Variants in GAS2 observed in about 807,000 individuals in gnomAD.
GAS2 encodes the protein growth arrest specific 2.
GAS2 carries 20 observed loss-of-function variants against 37.5 expected under a neutral mutation model. That is an observed-to-expected ratio of 0.53 (90% CI 0.37 to 0.77). GAS2 has a LOEUF of 0.77. GAS2 is among the 30% of genes least tolerant of loss of function. The pLI, the probability that GAS2 is intolerant of heterozygous loss-of-function variation, is 0.00. For synonymous variants in GAS2, 144 were observed against 132.2 expected, an observed-to-expected ratio of 1.09 and a Z score of -0.61; for missense variants, 336 against 373.4, an observed-to-expected ratio of 0.90 and a Z score of 0.82.
intron 7 of GAS2, among the ~76,000 whole-genome samples, chr11:22,807,845 T>G (rs1159993799): frequency 6.6e-6 from 1 of 152,114 alleles, no homozygotes; most frequent in African/African-American, 2.4e-5. Context: ...AGGTGGTCCC[T>G]TAGGCAATCA....
chr11:22,687,662 T>G (rs1375317903), intron 3 of GAS2, among the ~76,000 whole-genome samples: 1 of 152,202 alleles, frequency 6.6e-6, no homozygotes, highest in African/African-American at 2.4e-5. Context: ...AAATGCTTTG[T>G]GTCAAGCTTA....
At chr11:22,645,037 G>T (rs1213012021) in intron 1 of GAS2, among the ~76,000 whole-genome samples, 3 of 152,150 alleles carry the variant, frequency 2.0e-5, no homozygotes, top group Non-Finnish European at 4.4e-5. Context: ...GTACACAACG[G>T]AGCAATATCA....
intron 3 of GAS2, among the ~76,000 whole-genome samples, chr11:22,698,225 A>G (rs1275729307): frequency 6.6e-6 from 1 of 152,234 alleles, no homozygotes; most frequent in African/African-American, 2.4e-5. Flanking sequence ...CTACCATCAG[A>G]GAATACTACA....
chr11:22,651,812 A>G (rs534979299), intron 1 of GAS2, among the ~76,000 whole-genome samples: 13 of 152,200 alleles, frequency 8.5e-5, no homozygotes, highest in Admixed American at 5.9e-4. Flanking sequence ...TTCTAGTTAT[A>G]CATTCTTCTA....
chr11:22,777,210 C>G (rs1855303614), intron 7 of GAS2, among the ~76,000 whole-genome samples: 1 of 152,090 alleles, frequency 6.6e-6, no homozygotes, highest in Non-Finnish European at 1.5e-5. Context: ...TTAAAGAGTA[C>G]AAGTTTATCA....
At chr11:22,744,577 A>G (rs932508718) in intron 5 of GAS2, among the ~76,000 whole-genome samples, 1 of 152,052 alleles carries the variant, frequency 6.6e-6, no homozygotes, top group Non-Finnish European at 1.5e-5. Flanking sequence ...TATTGAAAAA[A>G]CTTTGGATAA....
chr11:22,664,669 G>A (rs1381313068), upstream of GAS2, among the ~76,000 whole-genome samples: 1 of 152,044 alleles, frequency 6.6e-6, no homozygotes, highest in Non-Finnish European at 1.5e-5. Context: ...TTTGGGTTGA[G>A]TCCACACTAA....
intron 3 of GAS2, among the ~76,000 whole-genome samples, chr11:22,710,953 T>C (rs1439944032): frequency 1.3e-5 from 2 of 152,212 alleles, no homozygotes; most frequent in Non-Finnish European, 2.9e-5. Context: ...GTAGGAAAAG[T>C]GGCAGATAAG....
rs1224163617 is a variant in GAS2, at chr11:22,739,847, T to G, written c.473+2079T>G. ...AGATAAGCCTCTTGCTTCTGAAAGT[T>G]GTGATACAGAAGTAAAGAGACGGGG... On this transcript the variant is annotated intron_variant, in intron 5 of 7. Transcript: ENST00000454584. Among the ~76,000 whole-genome samples the G allele has an allele frequency of 5.9e-5, 9 of 152,152 alleles. No homozygotes were observed. In the East Asian group the frequency reaches 1.5e-3, roughly 26 times the overall value.
rs559673554 is a variant in GAS2, at chr11:22,645,667, G to T, written c.-21+19854G>T. On this transcript the variant is annotated intron_variant, in intron 1 of 5. Coordinates refer to the GAS2 transcript ENST00000528582. ...TACAAAATTAGGGATCACAGTCAATGATATAATTCCAAATAAATAAAGAAT... is the reference window on the plus strand; with the variant it reads ...TACAAAATTAGGGATCACAGTCAATTATATAATTCCAAATAAATAAAGAAT... Among the ~76,000 whole-genome samples, 5 of 151,906 alleles carry T rather than the reference G, an allele frequency of 3.3e-5. 1 individual carries two copies. Among genetic ancestry groups the T allele is most frequent in the African/African-American group, 1.2e-4 (5 of 41,436 alleles).
chr11:22,713,909 A>G (rs1019210632), intron 3 of GAS2, among the ~76,000 whole-genome samples: 2 of 152,248 alleles, frequency 1.3e-5, no homozygotes, highest in Admixed American at 6.5e-5. Flanking sequence ...TCCTTGAAGC[A>G]TAAATCTCTC....
At chr11:22,760,361 T>TG in intron 7 of GAS2, among the ~76,000 whole-genome samples, 1 of 152,274 alleles carries the variant, frequency 6.6e-6, no homozygotes, top group East Asian at 1.9e-4. Context: ...TGCAAATTCT[T>TG]GGGGCTTCCC....
chr11:22,793,346 T>C (rs1171018349), intron 7 of GAS2, among the ~76,000 whole-genome samples: 1 of 152,076 alleles, frequency 6.6e-6, no homozygotes. Context: ...GTTTTATGTA[T>C]AGATAATGAA....
intron 7 of GAS2, among the ~76,000 whole-genome samples, chr11:22,803,639 T>C (rs2134657176): frequency 6.6e-6 from 1 of 152,262 alleles, no homozygotes; most frequent in African/African-American, 2.4e-5. Flanking sequence ...AAAGGAGTAA[T>C]ACTGATAATG....
chr11:22,650,649 A>T (rs1848762955), intron 1 of GAS2, among the ~76,000 whole-genome samples: 1 of 150,898 alleles, frequency 6.6e-6, no homozygotes, highest in African/African-American at 2.4e-5. Flanking sequence ...TTCTTGTTGA[A>T]TTGATCCCTT....
intron 4 of GAS2, among the ~76,000 whole-genome samples, chr11:22,729,509 A>G (rs1027726404): frequency 6.6e-6 from 1 of 151,816 alleles, no homozygotes; most frequent in African/African-American, 2.4e-5. Flanking sequence ...TTAACCTATT[A>G]TTTATACTCT....
At chr11:22,782,854 CCACCT>C (rs1421691096) in intron 7 of GAS2, among the ~76,000 whole-genome samples, 1 of 150,052 alleles carries the variant, frequency 6.7e-6, no homozygotes, top group Non-Finnish European at 1.5e-5. Context: ...CAACTGATGG[CCACCT>C]AGGTTGATTC....
At chr11:22,729,194 T>G (rs1043150195) in intron 4 of GAS2, among the ~76,000 whole-genome samples, 1 of 152,000 alleles carries the variant, frequency 6.6e-6, no homozygotes, top group African/African-American at 2.4e-5. Flanking sequence ...TGAGTGTGTA[T>G]GAAGAGGCTT....
chr11:22,754,943 A>G (rs1366524209), intron 6 of GAS2, among the ~76,000 whole-genome samples: 1 of 152,094 alleles, frequency 6.6e-6, no homozygotes, highest in East Asian at 1.9e-4. Flanking sequence ...TGTTTCTTCC[A>G]TGGAAACTTT....
Sources: allele counts gnomAD v4.1 joint callset (sites outside exome capture counted in the v4.1 genomes callset), GRCh38; gene constraint gnomAD v4.1.1; transcripts MANE v1.5; gene names NCBI Gene and HGNC (gene_info 2026-07-23, HGNC 2026-07-21).